The following ACADS variants were observed in gnomAD, a reference collection of about 807,000 sequenced individuals.
ACADS encodes the protein short-chain specific acyl-CoA dehydrogenase, mitochondrial.
In ACADS, 28 loss-of-function variants were observed where a neutral mutation model predicts 46.8. That is an observed-to-expected ratio of 0.60 (90% CI 0.44 to 0.82). The LOEUF (loss-of-function observed/expected upper bound fraction) is 0.82, where lower values mean the gene tolerates loss of function less well. Ranked by LOEUF, ACADS falls within the 40% of genes least tolerant of loss-of-function variation. ACADS has a pLI of 0.00. For missense variants in ACADS, 528 were observed against 578.0 expected (o/e 0.91, Z 0.89); for synonymous variants, 236 against 237.7 (o/e 0.99, Z 0.07).
intron 2 of ACADS, among the ~76,000 whole-genome samples, chr12:120,731,963 T>C (rs1276385485): frequency 7.9e-5 from 12 of 152,230 alleles, no homozygotes; most frequent in Non-Finnish European, 1.5e-4. Flanking sequence ...GGTAAGGTCA[T>C]AGATCAACAG....
At chr12:120,727,521 T>C (rs1860475812) in intron 2 of ACADS, among the ~76,000 whole-genome samples, 1 of 152,198 alleles carries the variant, frequency 6.6e-6, no homozygotes, top group African/African-American at 2.4e-5. Context: ...AACGGTCCTG[T>C]GAGGTGAAGG....
rs752181519 is a variant in ACADS, at chr12:120,737,042, C to T, written c.267C>T (p.Gly89=). ...LLAMDVPEEL[G]GAGLDYLAYA... is the part of the protein sequence containing the mutation. ...CCATGGACGTGCCCGAGGAGCTTGGCGGTGCTGGCCTCGATTACCTGGCCT... is the reference window on the plus strand; with the variant it reads ...CCATGGACGTGCCCGAGGAGCTTGGTGGTGCTGGCCTCGATTACCTGGCCT... Residue 89 remains glycine, a synonymous_variant, in exon 3 of 10, where the codon GGC becomes GGT. Coordinates refer to ENST00000242592, the MANE Select transcript of ACADS (RefSeq NM_000017.4). 46 of 1,609,054 alleles carry T rather than the reference C, an allele frequency of 2.9e-5. No homozygotes were observed. Among genetic ancestry groups the T allele is most frequent in the Admixed American group, 5.0e-5 (3 of 59,420 alleles).
At chr12:120,739,037 C>T in intron 8 of ACADS, 103 bp from the exon 9 acceptor site, 1 of 1,589,968 alleles carries the variant, frequency 6.3e-7, no homozygotes, top group Non-Finnish European at 8.6e-7. Context: ...GGGTTTACAG[C>T]CCCATGGGGA....
At chr12:120,732,779 G>A (rs1228446499) in intron 2 of ACADS, among the ~76,000 whole-genome samples, 1 of 151,588 alleles carries the variant, frequency 6.6e-6, no homozygotes. Context: ...CCCAGACGAT[G>A]GGCGGCCAGG....
intron 2 of ACADS, among the ~76,000 whole-genome samples, chr12:120,734,132 A>T (rs1883355958): frequency 6.6e-6 from 1 of 152,194 alleles, no homozygotes; most frequent in South Asian, 2.1e-4. Flanking sequence ...TGCCTTACAA[A>T]GACTCTGTGA....
At chr12:120,738,479 G>A (rs918037874) in intron 6 of ACADS, 29 bp downstream of exon 6, 2 of 1,606,594 alleles carry the variant, frequency 1.2e-6, no homozygotes, top group Admixed American at 3.3e-5. Context: ...GTGGCACCTT[G>A]AGGCCAGGCC....
At chr12:120,737,266 C>G in intron 3 of ACADS, 90 bp from the exon 4 acceptor site, 1 of 1,533,504 alleles carries the variant, frequency 6.5e-7, no homozygotes, top group South Asian at 1.2e-5. Context: ...TGGGTAGGCC[C>G]TGGACAGAAC....
intron 2 of ACADS, among the ~76,000 whole-genome samples, chr12:120,729,859 T>A (rs1284670789): frequency 6.6e-6 from 1 of 152,176 alleles, no homozygotes; most frequent in Admixed American, 6.5e-5. Context: ...TGGAGAAGGC[T>A]GTGCTCTTAG....
At chr12:120,734,177 C>T (rs572728065) in intron 2 of ACADS, among the ~76,000 whole-genome samples, 1 of 152,350 alleles carries the variant, frequency 6.6e-6, no homozygotes, top group African/African-American at 2.4e-5. Context: ...CAGAATAACC[C>T]TCACATCTCC....
rs1049666873 is a variant in ACADS at position 120,738,584 on chromosome 12, G to C, written c.847G>C (p.Ala283Pro). Residue 283 changes from alanine to proline, a missense_variant, in exon 7 of 10, where the codon GCC becomes CCC. Ala to Pro is a conservative substitution (Grantham distance 27). Coordinates refer to ENST00000242592, the MANE Select transcript of ACADS (RefSeq NM_000017.4). The stretch of plus-strand genomic sequence containing the variant: ...CATCGCCTCCCAGGCCCTGGGCATT[G>C]CCCAGACCGCCCTCGATTGTGCTGT... ...IGIASQALGI[A>P]QTALDCAVNY... 3 of 1,612,684 alleles carry C rather than the reference G, an allele frequency of 1.9e-6. No individual in the cohort carries two copies. The highest frequency in any genetic ancestry group is 1.6e-4 in the Middle Eastern group (1 of 6,084).
chr12:120,726,361 C>A (rs1239239185), intron 1 of ACADS, among the ~76,000 whole-genome samples: 1 of 152,134 alleles, frequency 6.6e-6, no homozygotes, highest in Non-Finnish European at 1.5e-5. Context: ...AGGATTAAAT[C>A]ATAGGGTATG....
rs1883604097 is a variant in ACADS, at chr12:120,739,847, G to A, written c.*399G>A. 1 of 245,584 alleles carries A rather than the reference G, an allele frequency of 4.1e-6. No homozygotes were observed. Among genetic ancestry groups the A allele is most frequent in the Non-Finnish European group, 8.1e-6 (1 of 123,654 alleles). The allele number at this position is 245,584 out of a possible 1,614,324, so 15.2% of individuals were successfully genotyped here. ...GTCAGAGGTCAGGAGCAGGGCTGGGGTCAGGATGACGAGGCCTGGGGTCCT... is the reference window on the plus strand; with the variant it reads ...GTCAGAGGTCAGGAGCAGGGCTGGGATCAGGATGACGAGGCCTGGGGTCCT... On this transcript the variant is annotated 3_prime_UTR_variant, in exon 10 of 10. Transcript: ENST00000242592.
At chr12:120,726,275 T>C (rs907159784) in intron 1 of ACADS, among the ~76,000 whole-genome samples, 6 of 152,054 alleles carry the variant, frequency 3.9e-5, no homozygotes, top group African/African-American at 1.2e-4. Context: ...ATCTGTGACC[T>C]TGGGCAAGAC....
chr12:120,735,685 G>A (rs1467362063), intron 2 of ACADS, among the ~76,000 whole-genome samples: 2 of 152,152 alleles, frequency 1.3e-5, no homozygotes, highest in East Asian at 3.9e-4. Flanking sequence ...TGGATCACGA[G>A]GTCGGGAGTT....
At chr12:120,732,932 A>G (rs567589659) in intron 2 of ACADS, among the ~76,000 whole-genome samples, 2 of 152,388 alleles carry the variant, frequency 1.3e-5, no homozygotes, top group South Asian at 2.1e-4. Context: ...CCTGGGCAAC[A>G]TTGAGCACTG....
chr12:120,738,524 TC>T lies in ACADS; in HGVS notation c.796-5del. The T allele has an allele frequency of 6.2e-7, 1 of 1,607,424 alleles. No individual in the cohort carries two copies. ...GCTGGCGGGCCACTGACCAGGGCGG[TC>T]CCCACAGCAAACCCTGGACATGGGC... is the stretch of plus-strand genomic sequence containing the variant. On this transcript the variant is annotated splice_polypyrimidine_tract_variant and splice_region_variant and intron_variant, in intron 6 of 9. Transcript: ENST00000242592.
intron 2 of ACADS, among the ~76,000 whole-genome samples, chr12:120,729,969 ATGC>A (rs2136941698): frequency 6.6e-6 from 1 of 152,192 alleles, no homozygotes; most frequent in Admixed American, 6.5e-5. Flanking sequence ...CCACAGGTAG[ATGC>A]TTTATTTTTT....
At chr12:120,737,635 C>A in intron 4 of ACADS, 168 bp downstream of exon 4, 1 of 1,051,024 alleles carries the variant, frequency 9.5e-7, no homozygotes, top group Non-Finnish European at 1.4e-6. Context: ...AGATTGCCTT[C>A]GGGGTCCCCT....
intron 2 of ACADS, among the ~76,000 whole-genome samples, chr12:120,734,536 A>C (rs550558376): frequency 2.0e-5 from 3 of 152,130 alleles, no homozygotes; most frequent in African/African-American, 7.2e-5. Flanking sequence ...CAAATAAGCA[A>C]TTTCACAGAG....
Sources: gnomAD v4.1 joint callset for allele counts (sites outside exome capture counted in the v4.1 genomes callset) on GRCh38, gnomAD v4.1.1 for gene constraint, MANE v1.5 for transcripts, NCBI Gene and HGNC (gene_info 2026-07-23, HGNC 2026-07-21) for gene names.